Variants in WBP2NL observed in about 807,000 individuals in gnomAD.
WBP2NL encodes postacrosomal sheath WW domain-binding protein.
In WBP2NL, 27 loss-of-function variants were observed where a neutral mutation model predicts 23.3. The ratio of observed to expected loss-of-function variants is 1.16; its 90% CI spans 0.85 to 1.60. The LOEUF is 1.60. Among genes scored for constraint, WBP2NL ranks in the 40% most tolerant of loss-of-function variants. WBP2NL has a pLI of 0.00. For missense variants in WBP2NL, 370 were observed against 389.5 expected, an observed-to-expected ratio of 0.95 and a Z score of 0.42; for synonymous variants, 151 against 145.9, an observed-to-expected ratio of 1.03 and a Z score of -0.25.
chr22:42,047,269 C>CA (rs140516534), intron 8 of WBP2NL, among the ~76,000 whole-genome samples: 1,573 of 101,442 alleles, frequency 0.016, 38 homozygotes, highest in Admixed American at 0.058. Context: ...TTTTCAAGCT[C>CA]AAAAAAAAAA....
At chr22:42,026,701 T>C in intron 5 of WBP2NL, 65 bp from the exon 6 acceptor site, 1 of 1,555,690 alleles carries the variant, frequency 6.4e-7, no homozygotes, top group East Asian at 2.3e-5. Context: ...TTTTAAGTTC[T>C]TCCTTCTCAC....
At chr22:42,010,341 T>G (rs1471381163) in intron 1 of WBP2NL, among the ~76,000 whole-genome samples, 1 of 152,348 alleles carries the variant, frequency 6.6e-6, no homozygotes, top group African/African-American at 2.4e-5. Context: ...TCCAATACTA[T>G]GTCGAATAGA....
intron 1 of WBP2NL, among the ~76,000 whole-genome samples, chr22:42,003,805 A>G (rs1163896428): frequency 2.0e-5 from 3 of 152,234 alleles, no homozygotes; most frequent in Admixed American, 1.3e-4. Context: ...TAAGATATCA[A>G]TTTGAAAAAG....
At position 42,015,515 on chromosome 22, in the gene WBP2NL, G is replaced by T. The variant is rs970133603; in HGVS notation, c.63-3796G>T. Among the ~76,000 whole-genome samples the T allele has an allele frequency of 2.6e-5, 4 of 152,052 alleles. No individual in the cohort carries two copies. The South Asian group carries it at 8.3e-4, about 32-fold the overall frequency. ...CCTCCCGGGTTCAAGCAATTCTCCT[G>T]CCTCAGCCTCCTGAGTAGCTGGGAT... On this transcript the variant is annotated intron_variant, in intron 1 of 5. Coordinates refer to ENST00000328823, the MANE Select transcript of WBP2NL (RefSeq NM_152613.3).
chr22:42,034,709 GC>G (rs1192858700), downstream of WBP2NL, among the ~76,000 whole-genome samples: 14 of 152,146 alleles, frequency 9.2e-5, no homozygotes, highest in Admixed American at 6.5e-4. Context: ...AGACAGGTAC[GC>G]CCCGGGGGGG....
At chr22:42,015,697 G>A (rs533203513) in intron 1 of WBP2NL, among the ~76,000 whole-genome samples, 3 of 152,128 alleles carry the variant, frequency 2.0e-5, no homozygotes, top group African/African-American at 7.2e-5. Context: ...CCACCGCACC[G>A]AGGCCTTTTT....
intron 1 of WBP2NL, among the ~76,000 whole-genome samples, chr22:42,011,340 A>G (rs1031307419): frequency 3.9e-5 from 6 of 152,042 alleles, no homozygotes; most frequent in Non-Finnish European, 7.4e-5. Flanking sequence ...TGCTGCCTCA[A>G]TCTCCGAGGC....
At chr22:42,044,396 C>A (rs984133575) in intron 8 of WBP2NL, among the ~76,000 whole-genome samples, 1 of 152,128 alleles carries the variant, frequency 6.6e-6, no homozygotes, top group Non-Finnish European at 1.5e-5. Context: ...TACAGCCCCA[C>A]TGGGGATTCA....
chr22:42,052,527 ACCTTGGCCTC>A (rs1925873975), intron 8 of WBP2NL, among the ~76,000 whole-genome samples: 1 of 151,822 alleles, frequency 6.6e-6, no homozygotes, highest in African/African-American at 2.4e-5. Context: ...CGATCCACCC[ACCTTGGCCTC>A]CCAGAGTGCT....
chr22:42,048,142 C>G (rs1925670319), intron 8 of WBP2NL, among the ~76,000 whole-genome samples: 1 of 151,748 alleles, frequency 6.6e-6, no homozygotes, highest in African/African-American at 2.4e-5. Context: ...GAAAAATAGG[C>G]TGGGTGCGGT....
chr22:42,028,593 A>C (rs992170917), downstream of WBP2NL: 2 of 152,298 alleles, frequency 1.3e-5, no homozygotes, highest in Non-Finnish European at 2.9e-5. Context: ...TAGAAGTGCT[A>C]ACTGATATGA....
At chr22:42,022,917 C>T (rs911780716) in intron 5 of WBP2NL, among the ~76,000 whole-genome samples, 2 of 152,142 alleles carry the variant, frequency 1.3e-5, no homozygotes, top group Admixed American at 6.6e-5. Context: ...ATATGCATGT[C>T]CATGGGCCTT....
chr22:42,023,441 C>T (rs1316271167), intron 5 of WBP2NL, among the ~76,000 whole-genome samples: 1 of 152,082 alleles, frequency 6.6e-6, no homozygotes, highest in African/African-American at 2.4e-5. Context: ...GCCATCTGCC[C>T]GCCTTGCCCT....
chr22:42,050,098 T>G (rs1925782545), intron 8 of WBP2NL, among the ~76,000 whole-genome samples: 1 of 152,126 alleles, frequency 6.6e-6, no homozygotes, highest in Admixed American at 6.6e-5. Context: ...GTGGGAAGAT[T>G]GCTTGAGGCC....
intron 8 of WBP2NL, among the ~76,000 whole-genome samples, chr22:42,051,014 CTATGTCCA>C (rs1925821140): frequency 6.6e-6 from 1 of 152,186 alleles, no homozygotes; most frequent in South Asian, 2.1e-4. Context: ...AGTTGAAAAT[CTATGTCCA>C]CAAAAATCTG....
intron 1 of WBP2NL, among the ~76,000 whole-genome samples, chr22:42,016,827 C>G (rs1923348305): frequency 6.6e-6 from 1 of 152,150 alleles, no homozygotes; most frequent in Non-Finnish European, 1.5e-5. Flanking sequence ...AAACTGATCC[C>G]TCTGATACAC....
At position 42,020,079 on chromosome 22, in the gene WBP2NL, T is replaced by C. The variant is rs764072300; in HGVS notation, c.389T>C (p.Val130Ala). ...GCCATTGAATTTGCCCAGTTGATGG[T>C]GAAAGCTGCCTCTGCTGGTAAGTGA... ...GDAIEFAQLM[V>A]KAASAAARGF... The change falls in exon 4 of 6, where the codon GTG (valine) becomes GCG (alanine). Residue 130 changes from valine to alanine, a missense_variant. Transcript: ENST00000328823. The C allele has an allele frequency of 6.2e-7, 1 of 1,614,068 alleles. No homozygotes were observed. Among genetic ancestry groups the C allele is most frequent in the East Asian group, 2.2e-5 (1 of 44,890 alleles).
At chr22:42,036,580 C>G (rs901541954), downstream of WBP2NL, among the ~76,000 whole-genome samples, 4 of 152,206 alleles carry the variant, frequency 2.6e-5, no homozygotes, top group Non-Finnish European at 4.4e-5. Flanking sequence ...TTCTCCACAT[C>G]CTTGACAACA....
chr22:42,039,444 C>T (rs1315247312), intron 8 of WBP2NL, among the ~76,000 whole-genome samples: 1 of 151,692 alleles, frequency 6.6e-6, no homozygotes, highest in African/African-American at 2.4e-5. Flanking sequence ...CCTCCTGGCT[C>T]AGCGTTCCAA....
Sources: allele counts gnomAD v4.1 joint callset (sites outside exome capture counted in the v4.1 genomes callset), GRCh38; gene constraint gnomAD v4.1.1; transcripts MANE v1.5; gene names NCBI Gene and HGNC (gene_info 2026-07-23, HGNC 2026-07-21).